ZMIZ1: variants seen among roughly 807,000 people sequenced by gnomAD.
The protein encoded by ZMIZ1 is zinc finger MIZ-type containing 1.
Under a neutral mutation model 113.9 loss-of-function variants are expected in ZMIZ1, and 17 were observed. The ratio of observed to expected loss-of-function variants is 0.15; its 90% CI spans 0.10 to 0.22. The LOEUF (loss-of-function observed/expected upper bound fraction) is 0.22, where lower values mean the gene tolerates loss of function less well. Ranked by LOEUF, ZMIZ1 falls within the 10% of genes least tolerant of loss-of-function variation. The probability of loss-of-function intolerance (pLI) is 1.00; values close to 1 mark genes in which losing one functional copy is unlikely to be tolerated. For synonymous variants in ZMIZ1, 607 were observed against 603.1 expected (o/e 1.01, Z -0.09); for missense variants, 1,059 against 1,477.8 (o/e 0.72, Z 4.65).
chr10:79,123,512 G>T (rs751650111), intron 2 of ZMIZ1, among the ~76,000 whole-genome samples: 1 of 152,208 alleles, frequency 6.6e-6, no homozygotes, highest in Non-Finnish European at 1.5e-5. Flanking sequence ...TGAGTAGGGG[G>T]TGGACTCCAG....
intron 2 of ZMIZ1, among the ~76,000 whole-genome samples, chr10:79,138,391 C>T (rs1001604833): frequency 7.9e-5 from 12 of 152,244 alleles, no homozygotes; most frequent in Admixed American, 6.5e-4. Context: ...CAGAGTGAAC[C>T]AGAGGCCTCA....
At chr10:79,100,704 G>A (rs1298207639) in intron 1 of ZMIZ1, among the ~76,000 whole-genome samples, 1 of 152,208 alleles carries the variant, frequency 6.6e-6, no homozygotes, top group Non-Finnish European at 1.5e-5. Context: ...CCAGGAGAGA[G>A]GGCATGAGGC....
chr10:79,242,833 G>C (rs1849920994), intron 7 of ZMIZ1, among the ~76,000 whole-genome samples: 1 of 151,944 alleles, frequency 6.6e-6, no homozygotes, highest in Non-Finnish European at 1.5e-5. Context: ...GCTGCTCGTC[G>C]GGTCGTGCGT....
At chr10:79,071,140 C>A (rs1476587757) in intron 1 of ZMIZ1, among the ~76,000 whole-genome samples, 1 of 152,198 alleles carries the variant, frequency 6.6e-6, no homozygotes, top group African/African-American at 2.4e-5. Context: ...AGTGGGCGGC[C>A]GCCTGTGGAA....
chr10:79,088,644 C>T (rs1842890678), intron 1 of ZMIZ1, among the ~76,000 whole-genome samples: 2 of 151,908 alleles, frequency 1.3e-5, no homozygotes, highest in Non-Finnish European at 2.9e-5. Flanking sequence ...GCTTAGGGGT[C>T]CCTGGGCCAG....
At chr10:79,157,403 G>GTGTGT in intron 3 of ZMIZ1, among the ~76,000 whole-genome samples, 1 of 146,448 alleles carries the variant, frequency 6.8e-6, no homozygotes, top group East Asian at 2.0e-4. Flanking sequence ...GTGTGTGTGT[G>GTGTGT]GTCAGTTGGC....
Position 79,248,321 on chromosome 10 carries a change from C to G in ZMIZ1, c.281-28860C>G, listed in dbSNP as rs1292387201. Among the ~76,000 whole-genome samples the G allele has an allele frequency of 3.9e-5, 6 of 152,094 alleles. No individual in the cohort carries two copies. The East Asian group carries it at 1.2e-3, about 29-fold the overall frequency. ...CTAGTAGCTGCGAAGGCTTGGAAACCAGGAGAGGTATGGCGCTTGATGAGA... is the reference window on the plus strand; with the variant it reads ...CTAGTAGCTGCGAAGGCTTGGAAACGAGGAGAGGTATGGCGCTTGATGAGA... On this transcript the variant is annotated intron_variant, in intron 7 of 24. Coordinates refer to ENST00000334512, the MANE Select transcript of ZMIZ1 (RefSeq NM_020338.4).
At chr10:79,301,167 G>A (rs555987967) in intron 17 of ZMIZ1, among the ~76,000 whole-genome samples, 51 of 152,244 alleles carry the variant, frequency 3.3e-4, no homozygotes, top group African/African-American at 1.1e-3. Flanking sequence ...GGCTTCAGAC[G>A]TGGCCTCTTC....
At chr10:79,112,216 C>T (rs781776311) in intron 1 of ZMIZ1, among the ~76,000 whole-genome samples, 2 of 152,166 alleles carry the variant, frequency 1.3e-5, no homozygotes, top group African/African-American at 2.4e-5. Context: ...GTTGTAGGGT[C>T]GCTTGCCCAT....
chr10:79,305,116 A>T (rs1347103540), intron 19 of ZMIZ1, 48 bp from the exon 20 acceptor site: 7 of 1,608,222 alleles, frequency 4.4e-6, no homozygotes, highest in Middle Eastern at 1.7e-4. Context: ...ACATCTAGGC[A>T]GTTTCTGACA....
chr10:79,074,679 G>T (rs930018500), intron 1 of ZMIZ1, among the ~76,000 whole-genome samples: 2 of 152,324 alleles, frequency 1.3e-5, no homozygotes, highest in East Asian at 3.9e-4. Context: ...GGCTATGTGG[G>T]GCACCCACTC....
At chr10:79,207,609 C>A (rs938743104) in intron 5 of ZMIZ1, among the ~76,000 whole-genome samples, 7 of 152,226 alleles carry the variant, frequency 4.6e-5, no homozygotes, top group Admixed American at 3.9e-4. Context: ...CAGACTCTGC[C>A]TGGCAGGGGC....
intron 7 of ZMIZ1, among the ~76,000 whole-genome samples, chr10:79,255,253 T>C (rs1198359104): frequency 6.6e-6 from 1 of 152,166 alleles, no homozygotes; most frequent in Non-Finnish European, 1.5e-5. Flanking sequence ...GGCAGGTAGG[T>C]GGCCTCAGGG....
chr10:79,274,982 C>T (rs935883274), intron 7 of ZMIZ1, among the ~76,000 whole-genome samples: 4 of 152,252 alleles, frequency 2.6e-5, no homozygotes, highest in African/African-American at 9.6e-5. Flanking sequence ...CAGCAGGCGG[C>T]ACCATCTGTG....
chr10:79,302,032 G>C, intron 17 of ZMIZ1, 75 bp from the exon 18 acceptor site: 1 of 1,476,052 alleles, frequency 6.8e-7, no homozygotes, highest in Non-Finnish European at 9.4e-7. Flanking sequence ...GAGCAGTCTA[G>C]GGCTGCTGAG....
chr10:79,198,715 C>T lies in ZMIZ1; in HGVS notation c.-49-2869C>T, dbSNP rs117930397. Among the ~76,000 whole-genome samples, 133 of 152,308 alleles carry T rather than the reference C, an allele frequency of 8.7e-4. 1 individual carries two copies. Among genetic ancestry groups the T allele is most frequent in the East Asian group, 6.7e-3 (35 of 5,186 alleles). On this transcript the variant is annotated intron_variant, in intron 4 of 24. Coordinates refer to ENST00000334512, the MANE Select transcript of ZMIZ1 (RefSeq NM_020338.4). ...CACACGTGTGATGTGCCGATGTGAACGGTTATTCCTGCAGCACTGCAATGA... is the reference window on the plus strand; with the variant it reads ...CACACGTGTGATGTGCCGATGTGAATGGTTATTCCTGCAGCACTGCAATGA...
intron 3 of ZMIZ1, among the ~76,000 whole-genome samples, chr10:79,147,929 G>A (rs1845559194): frequency 6.6e-6 from 1 of 152,242 alleles, no homozygotes; most frequent in African/African-American, 2.4e-5. Context: ...CACATGGGGA[G>A]CAGAGCACCA....
At chr10:79,116,790 C>A (rs998882290) in intron 1 of ZMIZ1, among the ~76,000 whole-genome samples, 13 of 152,318 alleles carry the variant, frequency 8.5e-5, no homozygotes, top group East Asian at 3.9e-4. Context: ...AGAAACAGAA[C>A]CTTGCAGACC....
intron 1 of ZMIZ1, among the ~76,000 whole-genome samples, chr10:79,093,771 C>G (rs527380519): frequency 5.3e-5 from 8 of 152,236 alleles, no homozygotes; most frequent in Admixed American, 2.0e-4. Context: ...CCCTCCCATG[C>G]CCTTGCGTGC....
Sources: gnomAD v4.1 joint callset for allele counts (sites outside exome capture counted in the v4.1 genomes callset) on GRCh38, gnomAD v4.1.1 for gene constraint, MANE v1.5 for transcripts, NCBI Gene and HGNC (gene_info 2026-07-23, HGNC 2026-07-21) for gene names.